KCNN2: variants seen among roughly 807,000 people sequenced by gnomAD.
KCNN2 encodes potassium calcium-activated channel subfamily N member 2.
A neutral mutation model predicts 55.5 loss-of-function variants in KCNN2; 24 were observed. That is an observed-to-expected ratio of 0.43 (90% confidence interval 0.31 to 0.61). The LOEUF is 0.61. Among genes scored for constraint, KCNN2 ranks in the 20% least tolerant of loss-of-function variants. KCNN2 has a pLI of 0.08. For missense variants in KCNN2, 754 were observed against 853.6 expected (o/e 0.88, Z 1.45); for synonymous variants, 431 against 336.1 (o/e 1.28, Z -3.09).
chr5:114,137,613 G>T (rs191385260), intron 1 of KCNN2, among the ~76,000 whole-genome samples: 1 of 152,166 alleles, frequency 6.6e-6, no homozygotes, highest in African/African-American at 2.4e-5. Context: ...GCATGGCTTA[G>T]AGTGGCAATA....
intron 1 of KCNN2, among the ~76,000 whole-genome samples, chr5:114,209,367 TTTC>T (rs1753834246): frequency 6.6e-6 from 1 of 152,038 alleles, no homozygotes. Context: ...TCCATTTCCT[TTTC>T]TTCTTACTCT....
Position 114,496,066 on chromosome 5 carries a change from G to A in KCNN2, c.2260G>A (p.Ala754Thr). 6.2e-7 allele frequency: 1 copy of A among 1,614,056 alleles called. No homozygotes were observed. Among genetic ancestry groups the A allele is most frequent in the Non-Finnish European group, 8.5e-7 (1 of 1,179,976 alleles). ...IRQQQRDFIE[A>T]QMESYDKHVT... ...GCAGCAGCAGAGAGATTTCATTGAG[G>A]CTCAGATGGAGAGCTACGACAAGCA... Residue 754 changes from alanine (A) to threonine (T), a missense_variant, in exon 8 of 8, where the codon GCT becomes ACT. Physicochemically the swap from Ala to Thr is moderately conservative, Grantham distance 58. Coordinates refer to ENST00000673685, the MANE Select transcript of KCNN2 (RefSeq NM_021614.4).
rs1757463953 is a variant in KCNN2, at chr5:114,362,591, C to T, written c.452C>T (p.Ser151Leu). ...TACGCGCAGCAGTCCGCGCAGCAGT[C>T]GGCGTCCGCCTCCCAGTACCACCAG... ...QQYAQQSAQQSASASQYHQCH... is the reference protein window; with the variant it reads ...QQYAQQSAQQLASASQYHQCH... The change falls in exon 1 of 8, where the codon TCG (serine) becomes TTG (leucine). Residue 151 changes from serine (S) to leucine (L), a missense_variant. By Grantham distance (145) the Ser-to-Leu change is moderately radical (BLOSUM62 -2). This residue lies in a region of KCNN2 where 381 missense variants were observed against 259.1 expected (regional missense o/e 1.47). Coordinates refer to ENST00000673685, the MANE Select transcript of KCNN2 (RefSeq NM_021614.4). 4 of 755,218 alleles carry T rather than the reference C, an allele frequency of 5.3e-6. No homozygotes were observed. Among genetic ancestry groups the T allele is most frequent in the South Asian group, 2.0e-5 (1 of 50,878 alleles). 46.8% of individuals were successfully genotyped at this position (755,218 alleles called of 1,614,324 possible).
At chr5:114,158,237 CCAG>C (rs1448539789) in intron 1 of KCNN2, among the ~76,000 whole-genome samples, 1 of 152,110 alleles carries the variant, frequency 6.6e-6, no homozygotes, top group African/African-American at 2.4e-5. Context: ...GCCAGTTTTC[CCAG>C]CAGCATTTGT....
At chr5:114,073,541 A>G (rs976475781) in intron 1 of KCNN2, among the ~76,000 whole-genome samples, 1 of 152,196 alleles carries the variant, frequency 6.6e-6, no homozygotes, top group Non-Finnish European at 1.5e-5. Context: ...ACAGTTCTTC[A>G]GGCCTGAATG....
At chr5:114,394,779 A>G (rs1758567525) in intron 2 of KCNN2, among the ~76,000 whole-genome samples, 1 of 152,134 alleles carries the variant, frequency 6.6e-6, no homozygotes, top group Non-Finnish European at 1.5e-5. Context: ...TTGTATTATT[A>G]TGAAATTCTC....
intron 2 of KCNN2, among the ~76,000 whole-genome samples, chr5:114,352,475 A>ATAAAGTAATATGTTACTTTTTTCT (rs150513444): frequency 0.4 from 58,175 of 146,882 alleles, 12,119 homozygotes; most frequent in East Asian, 0.83. Flanking sequence ...TTCTTTTCTC[A>ATAAAGTAATATGTTACTTTTTTCT]TAAAGTAATA....
intron 1 of KCNN2, among the ~76,000 whole-genome samples, chr5:114,213,382 C>G (rs965189086): frequency 6.6e-6 from 1 of 151,478 alleles, no homozygotes; most frequent in African/African-American, 2.4e-5. Context: ...ACACATCTCC[C>G]TCTTCCTTGG....
intron 2 of KCNN2, among the ~76,000 whole-genome samples, chr5:114,239,168 T>A (rs1754568793): frequency 6.6e-6 from 1 of 152,104 alleles, no homozygotes; most frequent in Admixed American, 6.6e-5. Flanking sequence ...AAGAAGCCCA[T>A]GCCTGGTGTG....
chr5:114,100,755 C>T lies in KCNN2; in HGVS notation c.-271+44255C>T, dbSNP rs568466716. Among the ~76,000 whole-genome samples the T allele has an allele frequency of 4.6e-5, 7 of 152,126 alleles. No homozygotes were observed. The South Asian group carries it at 1.2e-3, about 27-fold the overall frequency. ...TTCCGGGTCAGAGGAGAAGTATAAG[C>T]CAAGCCTAAACTATTTTATTAGGCC... On this transcript the variant is annotated intron_variant, in intron 1 of 10. Coordinates refer to the KCNN2 transcript ENST00000512097.
intron 2 of KCNN2, among the ~76,000 whole-genome samples, chr5:114,240,404 G>C (rs950977261): frequency 7.0e-6 from 1 of 143,356 alleles, no homozygotes; most frequent in African/African-American, 2.6e-5. Context: ...TAAAAAGAAA[G>C]CTCAAATTAT....
At chr5:114,414,031 A>C (rs1436261416) in intron 3 of KCNN2, among the ~76,000 whole-genome samples, 1 of 152,212 alleles carries the variant, frequency 6.6e-6, no homozygotes, top group African/African-American at 2.4e-5. Flanking sequence ...TAAGGAAATT[A>C]ATACATTTCT....
intron 2 of KCNN2, among the ~76,000 whole-genome samples, chr5:114,254,583 T>A (rs758419682): frequency 6.6e-6 from 1 of 152,176 alleles, no homozygotes; most frequent in African/African-American, 2.4e-5. Context: ...ATAGGACTTA[T>A]AAAAAAGTTA....
rs566807563 is a variant in KCNN2 at position 114,098,762 on chromosome 5, C to T, written c.-271+42262C>T. 9.1e-4 allele frequency among the ~76,000 whole-genome samples: 138 copies of T among 152,144 alleles called. 2 individuals are homozygous for T. Among genetic ancestry groups the T allele is most frequent in the Non-Finnish European group, 1.8e-3 (121 of 68,018 alleles). On this transcript the variant is annotated intron_variant, in intron 1 of 10. Coordinates refer to the KCNN2 transcript ENST00000512097. ...TGATGTCATAGAATTAACATGAAAC[C>T]TGTGGCACAGAGATTTGGCTCCAAT...
At chr5:114,418,918 A>G (rs1759386827) in intron 3 of KCNN2, among the ~76,000 whole-genome samples, 1 of 152,210 alleles carries the variant, frequency 6.6e-6, no homozygotes, top group Non-Finnish European at 1.5e-5. Flanking sequence ...CATGAGTTTT[A>G]AACCCCCACG....
chr5:114,402,335 G>T lies in KCNN2; in HGVS notation c.1219-2103G>T, dbSNP rs146001624. ...AGGTTAATGGGAGCAAGATCTGCCT[G>T]GAAGTTGTTTGAGAATGAATAAGTG... On this transcript the variant is annotated intron_variant, in intron 2 of 7. Coordinates refer to ENST00000673685, the MANE Select transcript of KCNN2 (RefSeq NM_021614.4). Among the ~76,000 whole-genome samples the T allele has an allele frequency of 3.3e-5, 5 of 152,332 alleles. No homozygotes were observed. In the East Asian group the frequency reaches 9.6e-4, roughly 29 times the overall value.
chr5:114,332,169 T>C (rs528713977), intron 2 of KCNN2, among the ~76,000 whole-genome samples: 18 of 152,330 alleles, frequency 1.2e-4, no homozygotes, highest in South Asian at 8.3e-4. Flanking sequence ...GAATATTCTC[T>C]TCCCTCAGGG....
intron 2 of KCNN2, among the ~76,000 whole-genome samples, chr5:114,278,396 G>T (rs559825791): frequency 6.6e-4 from 100 of 152,336 alleles, no homozygotes; most frequent in African/African-American, 2.4e-3. Flanking sequence ...GACAGGCAGG[G>T]ACATTTAAGT....
intron 1 of KCNN2, among the ~76,000 whole-genome samples, chr5:114,124,644 A>C (rs1751895170): frequency 6.6e-6 from 1 of 152,128 alleles, no homozygotes; most frequent in Admixed American, 6.5e-5. Context: ...TCCAGGCGGC[A>C]TTTTCCCTGG....
Sources: gnomAD v4.1 joint callset for allele counts (sites outside exome capture counted in the v4.1 genomes callset) on GRCh38, gnomAD v4.1.1 for gene constraint, gnomAD v4.1.1 regional missense constraint, MANE v1.5 for transcripts, NCBI Gene and HGNC (gene_info 2026-07-23, HGNC 2026-07-21) for gene names.